NTAN1: variants seen among roughly 807,000 people sequenced by gnomAD.
The protein encoded by NTAN1 is N-terminal asparagine amidase.
A neutral mutation model predicts 41.9 loss-of-function variants in NTAN1; 32 were observed. That is an observed-to-expected ratio of 0.76 (90% CI 0.58 to 1.03). The LOEUF (loss-of-function observed/expected upper bound fraction) is 1.03, where lower values mean the gene tolerates loss of function less well. Among genes scored for constraint, NTAN1 ranks in the 50% least tolerant of loss-of-function variants. The pLI, the probability that NTAN1 is intolerant of heterozygous loss-of-function variation, is 0.00. For synonymous variants in NTAN1, 140 were observed against 139.5 expected (o/e 1.00, Z -0.03); for missense variants, 377 against 377.5 (o/e 1.00, Z 0.01).
chr16:15,046,418 C>T (rs533985443), intron 4 of NTAN1, among the ~76,000 whole-genome samples: 1 of 152,326 alleles, frequency 6.6e-6, no homozygotes, highest in South Asian at 2.1e-4. Context: ...GTCTTGACAG[C>T]AGGCCTGTGT....
chr16:15,049,966 G>C (rs2044233588), intron 1 of NTAN1, among the ~76,000 whole-genome samples: 1 of 152,168 alleles, frequency 6.6e-6, no homozygotes. Context: ...GAAAAATACT[G>C]GAAGGAAATT....
intron 3 of NTAN1, 53 bp downstream of exon 3, chr16:15,047,802 C>T: frequency 2.1e-6 from 3 of 1,424,752 alleles, no homozygotes; most frequent in Non-Finnish European, 3.0e-6. Context: ...ATTCAATGGT[C>T]CCAAAGGTTG....
At chr16:15,039,924 G>GT (rs759452443) in intron 8 of NTAN1, 45 bp downstream of exon 8, 8 of 1,036,758 alleles carry the variant, frequency 7.7e-6, no homozygotes, top group Non-Finnish European at 1.2e-5. Context: ...GACATTTGAT[G>GT]CCTTTTTTTT....
chr16:15,038,341 G>T (rs1447317953), intron 9 of NTAN1, 131 bp from the exon 10 acceptor site: 3 of 682,686 alleles, frequency 4.4e-6, no homozygotes, highest in East Asian at 5.6e-5. Context: ...GAGGTGGCCT[G>T]AATTAGTAAG....
At chr16:15,044,477 CT>C in intron 4 of NTAN1, 70 bp from the exon 5 acceptor site, 1 of 994,772 alleles carries the variant, frequency 1.0e-6, no homozygotes, top group South Asian at 1.3e-5. Flanking sequence ...TCACTTTGAA[CT>C]TTCATTCTCA....
At chr16:15,044,550 A>G in intron 4 of NTAN1, 143 bp from the exon 5 acceptor site, 1 of 656,002 alleles carries the variant, frequency 1.5e-6, no homozygotes, top group Middle Eastern at 4.0e-4. Flanking sequence ...CCGCAAAAGA[A>G]AGTATCGGCA....
rs538527904 is a variant in NTAN1 at position 15,055,858 on chromosome 16, C to T, written c.81+33G>A. 2,357 of 1,160,860 alleles carry T rather than the reference C, an allele frequency of 2.0e-3. 5 individuals are homozygous for T. Among genetic ancestry groups the T allele is most frequent in the Non-Finnish European group, 2.3e-3 (2,166 of 922,832 alleles). The allele number at this position is 1,160,860 out of a possible 1,614,324, so 71.9% of individuals were successfully genotyped here. On this transcript the variant is annotated intron_variant, in intron 1 of 9. Transcript: ENST00000287706. Reference sequence around the variant, plus strand: ...CCCGCCCTGCAGCTTCCCCTCGGGCCCGCCCCGAAGCCCCGCGCCGCGCCC... The same window carrying T: ...CCCGCCCTGCAGCTTCCCCTCGGGCTCGCCCCGAAGCCCCGCGCCGCGCCC...
At chr16:15,046,667 C>T (rs2044077886) in intron 4 of NTAN1, among the ~76,000 whole-genome samples, 1 of 143,138 alleles carries the variant, frequency 7.0e-6, no homozygotes, top group African/African-American at 2.7e-5. Context: ...TAAGACCGGC[C>T]TGGGCAACTT....
At chr16:15,045,307 AAAT>A (rs1298838654) in intron 4 of NTAN1, 2 of 151,800 alleles carry the variant, frequency 1.3e-5, no homozygotes, top group Admixed American at 1.3e-4. Context: ...CAGGGGGAAA[AAAT>A]AAATAAGTAA....
intron 8 of NTAN1, 66 bp from the exon 9 acceptor site, chr16:15,038,753 A>G: frequency 1.2e-6 from 1 of 836,038 alleles, no homozygotes; most frequent in Non-Finnish European, 2.0e-6. Flanking sequence ...CCTCCCAGTA[A>G]CGCAAGCTCC....
At chr16:15,047,812 G>T in intron 3 of NTAN1, 43 bp downstream of exon 3, 1 of 1,467,502 alleles carries the variant, frequency 6.8e-7, no homozygotes, top group Non-Finnish European at 9.6e-7. Context: ...CCCAAAGGTT[G>T]GGTCAGTTTA....
In NTAN1 at chr16:15,038,460, G is replaced by C. The variant is rs953615532; in HGVS notation, c.753+114C>G. On this transcript the variant is annotated intron_variant, in intron 9 of 9. Transcript: ENST00000287706. ...GGGGTCTGTCAATGGCATCCAAAAAGTTACTACCCGCCAAAGGGAAAGCAG... is the reference window on the plus strand; with the variant it reads ...GGGGTCTGTCAATGGCATCCAAAAACTTACTACCCGCCAAAGGGAAAGCAG... 2.4e-5 allele frequency: 16 copies of C among 668,860 alleles called. No homozygotes were observed. In the African/African-American group the frequency reaches 2.9e-4, roughly 12 times the overall value. 41.4% of individuals were successfully genotyped at this position (668,860 alleles called of 1,614,324 possible).
At chr16:15,046,019 C>G (rs2044045346) in intron 4 of NTAN1, 1 of 152,276 alleles carries the variant, frequency 6.6e-6, no homozygotes, top group African/African-American at 2.4e-5. Flanking sequence ...GATCACAGTT[C>G]TACAACAGAT....
chr16:15,041,257 G>GGCCCTGTTTCCCT lies in NTAN1; in HGVS notation c.488-149_488-137dup, dbSNP rs558931508. 6.8e-5 allele frequency: 47 copies of GGCCCTGTTTCCCT among 689,642 alleles called. No individual in the cohort carries two copies. In the African/African-American group the frequency reaches 8.2e-4, roughly 12 times the overall value. 42.7% of individuals were successfully genotyped at this position (689,642 alleles called of 1,614,324 possible). ...AATTCCAGAAAATGAAAGGGATTGT[G>GGCCCTGTTTCCCT]GCCCTGTTTCCCTACCCTGTCCCAA... is the stretch of plus-strand genomic sequence containing the variant. On this transcript the variant is annotated intron_variant, in intron 6 of 9. Coordinates refer to ENST00000287706, the MANE Select transcript of NTAN1 (RefSeq NM_173474.4).
rs903610926 is a variant in NTAN1, at chr16:15,040,379, C to T, written c.542-313G>A. 2.9e-5 allele frequency: 9 copies of T among 308,514 alleles called. 1 individual carries two copies. The highest frequency in any genetic ancestry group is 1.5e-4 in the Admixed American group (3 of 20,596). 19.1% of individuals were successfully genotyped at this position (308,514 alleles called of 1,614,324 possible). A position where few individuals can be genotyped will look rare whatever the true frequency, so the allele number is the denominator to read the frequency against. On this transcript the variant is annotated intron_variant, in intron 7 of 9. Coordinates refer to ENST00000287706, the MANE Select transcript of NTAN1 (RefSeq NM_173474.4). ...ACCTCTGGTCATCCCTACTGGTGTA[C>T]GGCCAGGGGTGGCTGGGTGAACTGT...
chr16:15,054,196 C>G (rs1420076873), intron 1 of NTAN1, among the ~76,000 whole-genome samples: 1 of 152,232 alleles, frequency 6.6e-6, no homozygotes, highest in Non-Finnish European at 1.5e-5. Context: ...AAATCTCTCT[C>G]GTGCCTGCAT....
intron 7 of NTAN1, chr16:15,040,287 T>C (rs1304215187): frequency 9.4e-6 from 4 of 425,356 alleles, no homozygotes; most frequent in Non-Finnish European, 1.7e-5. Flanking sequence ...CGGTGAGATT[T>C]TGTTCTAAAC....
intron 1 of NTAN1, among the ~76,000 whole-genome samples, chr16:15,053,790 A>G (rs1210591417): frequency 6.6e-6 from 1 of 152,176 alleles, no homozygotes; most frequent in Non-Finnish European, 1.5e-5. Flanking sequence ...ATGCACCTGT[A>G]ATCCCAGCTA....
At chr16:15,046,352 A>G (rs539111248) in intron 4 of NTAN1, among the ~76,000 whole-genome samples, 1 of 152,326 alleles carries the variant, frequency 6.6e-6, no homozygotes, top group East Asian at 1.9e-4. Flanking sequence ...AAATGAGAGC[A>G]ACACCTGCCA....
Sources: allele counts gnomAD v4.1 joint callset (sites outside exome capture counted in the v4.1 genomes callset), GRCh38; gene constraint gnomAD v4.1.1; transcripts MANE v1.5; gene names NCBI Gene and HGNC (gene_info 2026-07-23, HGNC 2026-07-21).